PTPRN2: variants seen among roughly 807,000 people sequenced by gnomAD.
PTPRN2 encodes the protein protein tyrosine phosphatase receptor type N2, also known as receptor-type tyrosine-protein phosphatase N2.
In PTPRN2, 74 loss-of-function variants were observed where a neutral mutation model predicts 118.8. The ratio of observed to expected loss-of-function variants is 0.62; its 90% CI spans 0.52 to 0.76. The LOEUF (loss-of-function observed/expected upper bound fraction) is 0.76, where lower values mean the gene tolerates loss of function less well. PTPRN2 is among the 30% of genes least tolerant of loss of function. PTPRN2 has a pLI of 0.00. For missense variants in PTPRN2, 1,481 were observed against 1,394.4 expected (o/e 1.06, Z -0.99); for synonymous variants, 641 against 608.0 (o/e 1.05, Z -0.80).
intron 3 of PTPRN2, among the ~76,000 whole-genome samples, chr7:158,266,970 C>T (rs896114168): frequency 1.3e-5 from 2 of 152,166 alleles, no homozygotes. Context: ...CCCACGTCTA[C>T]ATCCAAGATG....
chr7:158,266,168 T>G (rs1256826486), intron 3 of PTPRN2, among the ~76,000 whole-genome samples: 18 of 66 alleles, frequency 0.27, no homozygotes, highest in East Asian at 0.5. Flanking sequence ...GGGTATTGTC[T>G]GGCAGTGAGG....
chr7:157,715,283 T>C (rs1004115411), intron 12 of PTPRN2, among the ~76,000 whole-genome samples: 2 of 152,102 alleles, frequency 1.3e-5, no homozygotes, highest in Non-Finnish European at 2.9e-5. Flanking sequence ...CAGGGAGTGT[T>C]GGGAGACAGG....
chr7:158,102,867 G>A (rs1370255220), intron 10 of PTPRN2, among the ~76,000 whole-genome samples: 2 of 152,146 alleles, frequency 1.3e-5, no homozygotes, highest in Non-Finnish European at 2.9e-5. Flanking sequence ...TGTTCTGGGG[G>A]CCACGGTGCA....
At chr7:157,875,767 G>A (rs762162237) in intron 12 of PTPRN2, among the ~76,000 whole-genome samples, 1 of 151,638 alleles carries the variant, frequency 6.6e-6, no homozygotes, top group Non-Finnish European at 1.5e-5. Flanking sequence ...AGGAGGGGCC[G>A]AGCCCCCAGG....
intron 3 of PTPRN2, among the ~76,000 whole-genome samples, chr7:158,222,738 A>G (rs1035422050): frequency 6.6e-6 from 1 of 152,246 alleles, no homozygotes; most frequent in African/African-American, 2.4e-5. Context: ...TAAAAGAGAA[A>G]GTCTCAAATC....
chr7:158,070,002 G>A (rs1811081342), intron 11 of PTPRN2, among the ~76,000 whole-genome samples: 1 of 152,238 alleles, frequency 6.6e-6, no homozygotes, highest in African/African-American at 2.4e-5. Context: ...GGAGGGTGCT[G>A]TGAACTCAAG....
chr7:157,908,133 G>A (rs1004015986), intron 11 of PTPRN2, among the ~76,000 whole-genome samples: 41 of 152,226 alleles, frequency 2.7e-4, no homozygotes, highest in African/African-American at 6.0e-4. Context: ...GGCCAGGTGC[G>A]TCCAGCATCT....
At chr7:158,441,095 AG>A (rs1817069274) in intron 2 of PTPRN2, among the ~76,000 whole-genome samples, 2 of 132,834 alleles carry the variant, frequency 1.5e-5, no homozygotes, top group Admixed American at 1.5e-4. Context: ...TGGTAGTGAT[AG>A]GGGTGGTAGT....
chr7:157,752,844 C>G (rs1044739054), intron 12 of PTPRN2, among the ~76,000 whole-genome samples: 3 of 152,258 alleles, frequency 2.0e-5, no homozygotes, highest in Admixed American at 6.5e-5. Context: ...GCCGCCAAGA[C>G]AAGGAACAGC....
intron 12 of PTPRN2, among the ~76,000 whole-genome samples, chr7:157,789,718 GGT>G (rs376310317): frequency 6.6e-6 from 1 of 150,390 alleles, no homozygotes; most frequent in African/African-American, 2.4e-5. Flanking sequence ...TGTGTGGTAT[GGT>G]GTGTGTGTCT....
intron 1 of PTPRN2, among the ~76,000 whole-genome samples, chr7:158,506,761 C>T (rs931250834): frequency 4.5e-4 from 68 of 151,974 alleles, no homozygotes; most frequent in African/African-American, 1.5e-3. Flanking sequence ...CATGACAAGG[C>T]GGATGCCGGG....
chr7:157,950,315 G>C (rs1438241459), intron 11 of PTPRN2, among the ~76,000 whole-genome samples: 1 of 152,200 alleles, frequency 6.6e-6, no homozygotes, highest in Non-Finnish European at 1.5e-5. Context: ...AGTGAACGGA[G>C]GTTGTGCCAG....
At chr7:158,194,558 G>A (rs1020896244) in intron 4 of PTPRN2, among the ~76,000 whole-genome samples, 26 of 152,198 alleles carry the variant, frequency 1.7e-4, no homozygotes, top group Admixed American at 7.9e-4. Flanking sequence ...AGGCCCCGGC[G>A]TCATGCCCCA....
At chr7:157,782,378 C>A (rs994414220) in intron 12 of PTPRN2, among the ~76,000 whole-genome samples, 1 of 152,220 alleles carries the variant, frequency 6.6e-6, no homozygotes, top group Non-Finnish European at 1.5e-5. Flanking sequence ...TTCCAGCAGG[C>A]GTCTGGGAGG....
intron 12 of PTPRN2, among the ~76,000 whole-genome samples, chr7:157,810,314 G>A (rs1490828166): frequency 2.6e-5 from 4 of 152,354 alleles, no homozygotes; most frequent in South Asian, 4.1e-4. Flanking sequence ...GTCCACAGGC[G>A]GGCGCCCTGG....
intron 12 of PTPRN2, among the ~76,000 whole-genome samples, chr7:157,768,373 G>A (rs1802607054): frequency 6.6e-6 from 1 of 152,170 alleles, no homozygotes; most frequent in South Asian, 2.1e-4. Context: ...GGGCAGAACC[G>A]CACGCTACAT....
intron 11 of PTPRN2, among the ~76,000 whole-genome samples, chr7:158,002,199 AAC>A (rs1301611520): frequency 2.0e-5 from 3 of 152,166 alleles, no homozygotes; most frequent in Non-Finnish European, 4.4e-5. Context: ...CCCCGCGGGA[AAC>A]ACGGCGTGGT....
intron 9 of PTPRN2, among the ~76,000 whole-genome samples, chr7:158,119,315 C>A (rs1052886611): frequency 6.6e-6 from 1 of 152,068 alleles, no homozygotes; most frequent in African/African-American, 2.4e-5. Context: ...ATCAAAACTA[C>A]AATGTGATAC....
chr7:158,000,593 G>A (rs1349591368), intron 11 of PTPRN2, among the ~76,000 whole-genome samples: 4 of 144,346 alleles, frequency 2.8e-5, no homozygotes, highest in Admixed American at 7.0e-5. Flanking sequence ...GCTGGTGTCC[G>A]GCCGCAGGTG....
Sources: gnomAD v4.1 joint callset for allele counts (sites outside exome capture counted in the v4.1 genomes callset) on GRCh38, gnomAD v4.1.1 for gene constraint, MANE v1.5 for transcripts, NCBI Gene and HGNC (gene_info 2026-07-23, HGNC 2026-07-21) for gene names.